LRRC7: variants seen among roughly 807,000 people sequenced by gnomAD.
LRRC7 encodes the protein leucine-rich repeat-containing protein 7.
Under a neutral mutation model 175.7 loss-of-function variants are expected in LRRC7, and 23 were observed. The ratio of observed to expected loss-of-function variants is 0.13; its 90% CI spans 0.09 to 0.19. LRRC7 has a LOEUF of 0.19. Among genes scored for constraint, LRRC7 ranks in the 10% least tolerant of loss-of-function variants. LRRC7 has a pLI of 1.00. For missense variants in LRRC7, 1,354 were observed against 1,904.7 expected (o/e 0.71, Z 5.38); for synonymous variants, 685 against 680.9 (o/e 1.01, Z -0.09).
intron 2 of LRRC7, among the ~76,000 whole-genome samples, chr1:69,715,468 G>A (rs1665234390): frequency 2.0e-5 from 3 of 151,992 alleles, no homozygotes; most frequent in Non-Finnish European, 1.5e-5. Flanking sequence ...AAGTTAATAT[G>A]TTTATCTCCA....
chr1:70,034,833 G>A (rs1056692604), intron 18 of LRRC7, among the ~76,000 whole-genome samples: 1 of 152,126 alleles, frequency 6.6e-6, no homozygotes, highest in African/African-American at 2.4e-5. Flanking sequence ...GATATACCCA[G>A]GTTTTTCAGG....
chr1:69,574,244 TA>T lies in LRRC7; in HGVS notation c.2+5606del, dbSNP rs556357359. On this transcript the variant is annotated intron_variant, in intron 1 of 26. Transcript: ENST00000651989. Reference sequence around the variant, plus strand: ...CTGACCTTAAAACAAAACAATAGCATAAATACTATCATTATCATCATGAAAT... The same window carrying T: ...CTGACCTTAAAACAAAACAATAGCATAATACTATCATTATCATCATGAAAT... Among the ~76,000 whole-genome samples, 151 of 152,218 alleles carry T rather than the reference TA, an allele frequency of 9.9e-4. 1 individual carries two copies. The Middle Eastern group carries it at 0.014, about 14-fold the overall frequency.
intron 1 of LRRC7, among the ~76,000 whole-genome samples, chr1:69,668,613 C>A: frequency 6.6e-6 from 1 of 152,280 alleles, no homozygotes; most frequent in East Asian, 1.9e-4. Context: ...CATATGTGTG[C>A]ATTTGTCTTT....
intron 1 of LRRC7, among the ~76,000 whole-genome samples, chr1:69,637,080 TTC>T (rs375663007): frequency 3.6e-4 from 53 of 148,252 alleles, no homozygotes; most frequent in Admixed American, 5.4e-4. Context: ...CCTTCTCTCT[TTC>T]TCTCTCTCTC....
At chr1:69,671,042 T>G (rs1658996633) in intron 1 of LRRC7, among the ~76,000 whole-genome samples, 1 of 152,074 alleles carries the variant, frequency 6.6e-6, no homozygotes, top group Non-Finnish European at 1.5e-5. Flanking sequence ...CAAGACAATG[T>G]CCCCTTTACT....
chr1:69,849,341 T>C (rs1399102211), intron 7 of LRRC7, among the ~76,000 whole-genome samples: 3 of 152,096 alleles, frequency 2.0e-5, no homozygotes, highest in African/African-American at 4.8e-5. Flanking sequence ...ATTTTAATTA[T>C]AGTAAAAAGT....
At chr1:69,573,609 ATAAT>A (rs1343390741) in intron 1 of LRRC7, among the ~76,000 whole-genome samples, 1 of 152,152 alleles carries the variant, frequency 6.6e-6, no homozygotes, top group African/African-American at 2.4e-5. Context: ...GATGCACTTG[ATAAT>A]TAAGCCCCTG....
chr1:69,755,884 G>T (rs1162514635), intron 2 of LRRC7, among the ~76,000 whole-genome samples: 2 of 151,900 alleles, frequency 1.3e-5, no homozygotes, highest in Non-Finnish European at 2.9e-5. Flanking sequence ...CTTCCGATTA[G>T]CTTTTGAGGG....
At chr1:70,108,210 T>C (rs1204303458) in intron 26 of LRRC7, among the ~76,000 whole-genome samples, 2 of 151,918 alleles carry the variant, frequency 1.3e-5, no homozygotes, top group Non-Finnish European at 2.9e-5. Flanking sequence ...CCATATTTAA[T>C]TTCTCAACCA....
In LRRC7 at chr1:70,135,692, T is replaced by G. The variant is rs942438420; in HGVS notation, c.*13805T>G. ...TAGAATCTGTAAAAGAGAAAGTTGT[T>G]AGATAGTGAACAAGTCCCATTCTCT... On this transcript the variant is annotated 3_prime_UTR_variant, in exon 27 of 27. Coordinates refer to ENST00000651989, the MANE Select transcript of LRRC7 (RefSeq NM_001370785.2). 2.6e-5 allele frequency among the ~76,000 whole-genome samples: 4 copies of G among 152,270 alleles called. No individual in the cohort carries two copies. Among genetic ancestry groups the G allele is most frequent in the African/African-American group, 9.6e-5 (4 of 41,474 alleles).
At chr1:69,601,204 C>A (rs1316848057) in intron 1 of LRRC7, among the ~76,000 whole-genome samples, 1 of 152,098 alleles carries the variant, frequency 6.6e-6, no homozygotes, top group Non-Finnish European at 1.5e-5. Context: ...TGCTTCCAGG[C>A]CCTCTCCGCT....
rs769239262 is a variant in LRRC7, at chr1:70,078,824, GCACACACACACACACACA to G, written c.4452+2538_4452+2555del. On this transcript the variant is annotated intron_variant, in intron 24 of 26. Coordinates refer to ENST00000651989, the MANE Select transcript of LRRC7 (RefSeq NM_001370785.2). ...CGCGCGCGCGCGCACACACACACACGCACACACACACACACACACACACACACACTCCCCGTAAGCTTA... is the reference window on the plus strand; with the variant it reads ...CGCGCGCGCGCGCACACACACACACGCACACACACACTCCCCGTAAGCTTA... 2.3e-4 allele frequency among the ~76,000 whole-genome samples: 30 copies of G among 130,874 alleles called. 1 individual carries two copies. In the South Asian group the frequency reaches 6.7e-3, roughly 29 times the overall value. The allele number at this position is 130,874 out of a possible 152,430, so 85.9% of individuals were successfully genotyped here. A position where few individuals can be genotyped will look rare whatever the true frequency, so the allele number is the denominator to read the frequency against.
intron 8 of LRRC7, among the ~76,000 whole-genome samples, chr1:69,957,087 A>G (rs1650573358): frequency 6.6e-6 from 1 of 151,808 alleles, no homozygotes; most frequent in Non-Finnish European, 1.5e-5. Context: ...TATATTTATT[A>G]AACATTTAAC....
rs917116029 is a variant in LRRC7 at position 70,133,646 on chromosome 1, T to C, written c.*11759T>C. Among the ~76,000 whole-genome samples, 1 of 152,230 alleles carries C rather than the reference T, an allele frequency of 6.6e-6. No individual in the cohort carries two copies. The highest frequency in any genetic ancestry group is 1.5e-5 in the Non-Finnish European group (1 of 68,042). ...CTTTGAGCTTATTTTAGGCAGTTTATATGTTTTTTTACTAAACCTCTCAGA... is the reference window on the plus strand; with the variant it reads ...CTTTGAGCTTATTTTAGGCAGTTTACATGTTTTTTTACTAAACCTCTCAGA... On this transcript the variant is annotated 3_prime_UTR_variant, in exon 27 of 27. Coordinates refer to ENST00000651989, the MANE Select transcript of LRRC7 (RefSeq NM_001370785.2).
chr1:69,966,298 G>A (rs1259087176), intron 8 of LRRC7, among the ~76,000 whole-genome samples: 1 of 152,066 alleles, frequency 6.6e-6, no homozygotes, highest in Non-Finnish European at 1.5e-5. Context: ...CCTTCCAGTT[G>A]TATATTGCTT....
chr1:69,791,968 CTT>C, intron 3 of LRRC7, 73 bp from the exon 4 acceptor site: 1 of 972,246 alleles, frequency 1.0e-6, no homozygotes, highest in Non-Finnish European at 1.6e-6. Flanking sequence ...AACATGGTGA[CTT>C]TAATTTTGTT....
intron 7 of LRRC7, among the ~76,000 whole-genome samples, chr1:69,914,456 A>G (rs1333371831): frequency 6.6e-6 from 1 of 152,222 alleles, no homozygotes; most frequent in Admixed American, 6.5e-5. Flanking sequence ...ATAGCATGAT[A>G]GGAAGGACTT....
intron 1 of LRRC7, among the ~76,000 whole-genome samples, chr1:69,639,622 G>T (rs1438163486): frequency 6.6e-6 from 1 of 151,742 alleles, no homozygotes; most frequent in Non-Finnish European, 1.5e-5. Flanking sequence ...GGCATTGTTT[G>T]CCCTCAATTA....
chr1:70,086,819 CT>C lies in LRRC7; in HGVS notation c.4453-2904del, dbSNP rs143905583. On this transcript the variant is annotated intron_variant, in intron 24 of 26. Coordinates refer to ENST00000651989, the MANE Select transcript of LRRC7 (RefSeq NM_001370785.2). ...TATTTATTAGCTTCCTAGACCTAAT[CT>C]TTTACTAGAACACTGCATTTCCTCT... Among the ~76,000 whole-genome samples, 436 of 152,288 alleles carry C rather than the reference CT, an allele frequency of 2.9e-3. 2 individuals are homozygous for C. Among genetic ancestry groups the C allele is most frequent in the African/African-American group, 0.01 (423 of 41,562 alleles).
Sources: gnomAD v4.1 joint callset for allele counts (sites outside exome capture counted in the v4.1 genomes callset) on GRCh38, gnomAD v4.1.1 for gene constraint, MANE v1.5 for transcripts, NCBI Gene and HGNC (gene_info 2026-07-23, HGNC 2026-07-21) for gene names.